The following RNF217 variants were observed in gnomAD, a reference collection of about 807,000 sequenced individuals.
The protein encoded by RNF217 is ring finger protein 217.
Under a neutral mutation model 57.8 loss-of-function variants are expected in RNF217, and 31 were observed. That is an observed-to-expected ratio of 0.54 (90% CI 0.40 to 0.72). RNF217 has a LOEUF of 0.72. Among genes scored for constraint, RNF217 ranks in the 30% least tolerant of loss-of-function variants. RNF217 has a pLI of 0.00. For synonymous variants in RNF217, 313 were observed against 294.0 expected (o/e 1.06, Z -0.66); for missense variants, 696 against 708.3 (o/e 0.98, Z 0.20).
rs1302685639 is a variant in RNF217 at position 125,071,524 on chromosome 6, GTGTGTGTGTGTGTA to G, written c.1282-5131_1282-5118del. On this transcript the variant is annotated intron_variant, in intron 3 of 5. Transcript: ENST00000521654. ...TGTGTGTGTGTGTGTGTGTGTGTGTGTGTGTGTGTGTGTATATCTTATTACAGGTTTTAATCCAT... is the reference window on the plus strand; with the variant it reads ...TGTGTGTGTGTGTGTGTGTGTGTGTGTATCTTATTACAGGTTTTAATCCAT... 3.3e-3 allele frequency among the ~76,000 whole-genome samples: 235 copies of G among 70,794 alleles called. 1 individual carries two copies. Among genetic ancestry groups the G allele is most frequent in the African/African-American group, 0.013 (223 of 17,542 alleles). 46.4% of individuals were successfully genotyped at this position (70,794 alleles called of 152,430 possible). A position where few individuals can be genotyped will look rare whatever the true frequency, so the allele number is the denominator to read the frequency against.
At chr6:125,017,801 T>C (rs1298873630) in intron 1 of RNF217, among the ~76,000 whole-genome samples, 4 of 152,208 alleles carry the variant, frequency 2.6e-5, no homozygotes, top group African/African-American at 9.6e-5. Context: ...CAAACTGTGT[T>C]CAGTAGTTAT....
chr6:124,966,880 C>T (rs1229086185), intron 1 of RNF217, among the ~76,000 whole-genome samples: 1 of 152,144 alleles, frequency 6.6e-6, no homozygotes, highest in African/African-American at 2.4e-5. Context: ...ACTTAAATAC[C>T]TCTATGCTCT....
At chr6:124,995,537 TTA>T (rs1784714810) in intron 1 of RNF217, among the ~76,000 whole-genome samples, 1 of 152,226 alleles carries the variant, frequency 6.6e-6, no homozygotes, top group African/African-American at 2.4e-5. Flanking sequence ...TGAGATTCTT[TTA>T]TATGAGACAG....
chr6:125,088,349 C>T lies in RNF217; in HGVS notation c.*5412C>T, dbSNP rs1788834327. ...TTTAAGAAAGAATTACAGTGGGACT[C>T]CTTTGAAACTCTGATTTTGAAAATA... On this transcript the variant is annotated 3_prime_UTR_variant, in exon 6 of 6. Coordinates refer to ENST00000521654, the MANE Select transcript of RNF217 (RefSeq NM_001286398.3). The T allele has an allele frequency of 6.6e-6, 1 of 152,102 alleles. No homozygotes were observed. Among genetic ancestry groups the T allele is most frequent in the African/African-American group, 2.4e-5 (1 of 41,424 alleles). The allele number at this position is 152,102 out of a possible 1,614,324, so 9.4% of individuals were successfully genotyped here. A position where few individuals can be genotyped will look rare whatever the true frequency, so the allele number is the denominator to read the frequency against.
intron 3 of RNF217, among the ~76,000 whole-genome samples, chr6:125,070,947 G>A (rs911966): frequency 4.6e-5 from 7 of 151,876 alleles, no homozygotes; most frequent in African/African-American, 1.7e-4. Flanking sequence ...ACAAATACTT[G>A]TGGGCAGATG....
chr6:124,969,399 A>G (rs1465358353), intron 1 of RNF217, among the ~76,000 whole-genome samples: 1 of 152,184 alleles, frequency 6.6e-6, no homozygotes, highest in East Asian at 1.9e-4. Context: ...AGGGTTTTAC[A>G]TTATAAGCAA....
intron 1 of RNF217, among the ~76,000 whole-genome samples, chr6:125,013,768 A>G (rs1785507474): frequency 6.6e-6 from 1 of 152,184 alleles, no homozygotes; most frequent in South Asian, 2.1e-4. Context: ...GTAACCAGAA[A>G]GAGCACAAGA....
chr6:125,081,143 T>G (rs1027261903), intron 4 of RNF217, among the ~76,000 whole-genome samples: 20 of 152,106 alleles, frequency 1.3e-4, no homozygotes, highest in Non-Finnish European at 7.4e-5. Context: ...AGCACAAAGA[T>G]GAACTGTCCT....
intron 1 of RNF217, among the ~76,000 whole-genome samples, chr6:125,030,853 G>A (rs978749566): frequency 6.6e-6 from 1 of 152,156 alleles, no homozygotes; most frequent in Non-Finnish European, 1.5e-5. Context: ...CCCCAATAGG[G>A]ACACTGTGTA....
intron 1 of RNF217, chr6:124,983,615 G>A (rs1330615549): frequency 7.0e-6 from 3 of 428,158 alleles, no homozygotes; most frequent in East Asian, 1.6e-4. Flanking sequence ...GATACCTAAC[G>A]ATGTTTTCAC....
rs9398772 is a variant in RNF217, at chr6:125,044,044, T to C, written c.883-1167T>C. ...GCCAGATAAATAGCAATGTTAAAAG[T>C]TACTATGAATTTAGTTTTTTTTTTT... On this transcript the variant is annotated intron_variant, in intron 1 of 5. Coordinates refer to ENST00000521654, the MANE Select transcript of RNF217 (RefSeq NM_001286398.3). Among the ~76,000 whole-genome samples, 106 of 141,806 alleles carry C rather than the reference T, an allele frequency of 7.5e-4. No homozygotes were observed. The East Asian group carries it at 0.021, about 28-fold the overall frequency. The allele number at this position is 141,806 out of a possible 152,430, so 93.0% of individuals were successfully genotyped here. A position where few individuals can be genotyped will look rare whatever the true frequency, so the allele number is the denominator to read the frequency against.
At chr6:124,979,128 C>CAGA (rs1784068941) in intron 1 of RNF217, among the ~76,000 whole-genome samples, 2 of 152,310 alleles carry the variant, frequency 1.3e-5, no homozygotes, top group South Asian at 4.1e-4. Context: ...TTTCAGGCTT[C>CAGA]AGGCTGTCTT....
chr6:124,962,804 C>T lies in RNF217; in HGVS notation c.260C>T (p.Pro87Leu), dbSNP rs879386478. ...AGTAAGAGCCGAGCACCGGCGCAGCCTGCGGGACTGGCACTCACCGGGCCT... is the reference window on the plus strand; with the variant it reads ...AGTAAGAGCCGAGCACCGGCGCAGCTTGCGGGACTGGCACTCACCGGGCCT... ...GWSKSRAPAQ[P>L]AGLALTGPLN... The change falls in exon 1 of 6, where the codon CCT (proline) becomes CTT (leucine). Residue 87 changes from proline (P) to leucine (L), a missense_variant. Coordinates refer to ENST00000521654, the MANE Select transcript of RNF217 (RefSeq NM_001286398.3). The surrounding 1 kb of genome is among the most constrained non-coding windows in gnomAD (Gnocchi z 4.6). 1.9e-6 allele frequency: 3 copies of T among 1,597,600 alleles called. No individual in the cohort carries two copies. Among genetic ancestry groups the T allele is most frequent in the South Asian group, 1.1e-5 (1 of 91,062 alleles).
At chr6:125,015,832 ACAACTT>A (rs1454820628) in intron 1 of RNF217, among the ~76,000 whole-genome samples, 5 of 152,168 alleles carry the variant, frequency 3.3e-5, no homozygotes, top group Non-Finnish European at 5.9e-5. Context: ...ACATTTGGAA[ACAACTT>A]CAAAGTCCAG....
intron 1 of RNF217, among the ~76,000 whole-genome samples, chr6:124,968,074 G>T (rs551329911): frequency 1.4e-4 from 22 of 152,164 alleles, no homozygotes; most frequent in Non-Finnish European, 1.8e-4. Context: ...GAGCCACCGT[G>T]CCTGGCCCCA....
intron 3 of RNF217, among the ~76,000 whole-genome samples, chr6:125,061,878 C>A (rs1464153627): frequency 6.6e-6 from 1 of 151,746 alleles, no homozygotes; most frequent in Non-Finnish European, 1.5e-5. Context: ...AATATTTTAA[C>A]TCTTTAATCC....
At chr6:125,065,623 A>C (rs1214076755) in intron 3 of RNF217, among the ~76,000 whole-genome samples, 1 of 152,194 alleles carries the variant, frequency 6.6e-6, no homozygotes, top group East Asian at 1.9e-4. Context: ...CCAGTGATCT[A>C]TGTAGACAAG....
intron 2 of RNF217, among the ~76,000 whole-genome samples, chr6:125,051,972 G>T (rs1205997556): frequency 6.6e-6 from 1 of 152,014 alleles, no homozygotes; most frequent in Non-Finnish European, 1.5e-5. Context: ...TTGCTCTCTG[G>T]ATTTACAGGA....
intron 3 of RNF217, among the ~76,000 whole-genome samples, chr6:125,063,227 A>G (rs1787806848): frequency 6.6e-6 from 1 of 152,228 alleles, no homozygotes; most frequent in Non-Finnish European, 1.5e-5. Flanking sequence ...TTTCTAAGTC[A>G]AAAATTAAAA....
Sources: allele counts gnomAD v4.1 joint callset (sites outside exome capture counted in the v4.1 genomes callset), GRCh38; gene constraint gnomAD v4.1.1; non-coding constraint Gnocchi (gnomAD v3.1); transcripts MANE v1.5; gene names NCBI Gene and HGNC (gene_info 2026-07-23, HGNC 2026-07-21).